The following BCL9L variants were observed in gnomAD, a reference collection of about 807,000 sequenced individuals.
The protein encoded by BCL9L is B-cell CLL/lymphoma 9-like protein.
In BCL9L, 19 loss-of-function variants were observed where a neutral mutation model predicts 99.4. That is an observed-to-expected ratio of 0.19 (90% CI 0.13 to 0.28). The LOEUF (loss-of-function observed/expected upper bound fraction) is 0.28. BCL9L is among the 10% of genes least tolerant of loss of function. The pLI, the probability that BCL9L is intolerant of heterozygous loss-of-function variation, is 1.00. For synonymous variants in BCL9L, 900 were observed against 854.8 expected (o/e 1.05, Z -0.92); for missense variants, 2,023 against 2,101.6 (o/e 0.96, Z 0.73).
Position 118,899,147 on chromosome 11 carries a change from C to T in BCL9L, c.3768G>A (p.Pro1256=), listed in dbSNP as rs778916171. The T allele has an allele frequency of 5.0e-5, 76 of 1,509,580 alleles. No homozygotes were observed. Among genetic ancestry groups the T allele is most frequent in the African/African-American group, 3.9e-4 (28 of 72,716 alleles). 93.5% of individuals were successfully genotyped at this position (1,509,580 alleles called of 1,614,324 possible). Residue 1256 remains proline, a synonymous_variant, in exon 10 of 10, where the codon CCG becomes CCA. Transcript: ENST00000683865. ...GGGPGLQQHY[P]SGMALPPEDL... is the part of the protein sequence containing the mutation. ...CCTCGGGAGGCAGGGCCATGCCTGA[C>T]GGGTAGTGCTGCTGCAGGCCAGGCC... is the stretch of plus-strand genomic sequence containing the variant.
At position 118,900,471 on chromosome 11, in the gene BCL9L, A is replaced by G. The variant is rs368743393; in HGVS notation, c.3124+148T>C. 1.4e-6 allele frequency: 2 copies of G among 1,395,614 alleles called. No homozygotes were observed. Among genetic ancestry groups the G allele is most frequent in the Admixed American group, 2.8e-5 (1 of 35,116 alleles). 86.5% of individuals were successfully genotyped at this position (1,395,614 alleles called of 1,614,324 possible). A position where few individuals can be genotyped will look rare whatever the true frequency, so the allele number is the denominator to read the frequency against. On this transcript the variant is annotated intron_variant, in intron 8 of 9. Transcript: ENST00000683865. This position sits in a 1 kb window ranked among gnomAD's most constrained non-coding sequence, Gnocchi z 5.3. ...GTGGTACCCCCTGAGAAAGCCCACA[A>G]ATGTCATCATCTGCCCCATAAGCAG...
chr11:118,908,780 A>C, intron 3 of BCL9L, 125 bp from the exon 4 acceptor site: 8 of 715,392 alleles, frequency 1.1e-5, no homozygotes, highest in Non-Finnish European at 1.8e-5. Context: ...GTGGTATCTC[A>C]AGACCACCAC....
Position 118,900,998 on chromosome 11 carries a change from C to T in BCL9L, c.2745G>A (p.Ser915=), listed in dbSNP as rs1021480988. 52 of 1,553,978 alleles carry T rather than the reference C, an allele frequency of 3.3e-5. No individual in the cohort carries two copies. Among genetic ancestry groups the T allele is most frequent in the Non-Finnish European group, 3.9e-5 (45 of 1,149,180 alleles). The part of the protein sequence containing the change: ...APNRGLGRRP[S]DLTISINQMG... ...TCTGATTAATACTGATGGTGAGGTC[C>T]GAAGGCCGCCTGCCTAGCCCCCGGT... The change falls in exon 8 of 10, where the codon TCG becomes TCA. Residue 915 remains serine, a synonymous_variant. Coordinates refer to ENST00000683865, the MANE Select transcript of BCL9L (RefSeq NM_001378213.1). This position sits in a 1 kb window ranked among gnomAD's most constrained non-coding sequence, Gnocchi z 5.3.
chr11:118,899,111 G>A lies in BCL9L; in HGVS notation c.3804C>T (p.Asn1268=), dbSNP rs542302053. 49 of 1,575,258 alleles carry A rather than the reference G, an allele frequency of 3.1e-5. No individual in the cohort carries two copies. The highest frequency in any genetic ancestry group is 9.4e-5 in the African/African-American group (7 of 74,248). ...GMALPPEDLP[N]QPPGPMPPQQ... ...GGGGAGGCATGGGGCCTGGCGGCTG[G>A]TTGGGCAGGTCCTCGGGAGGCAGGG... Residue 1268 remains asparagine, a synonymous_variant, in exon 10 of 10, where the codon AAC becomes AAT. Coordinates refer to ENST00000683865, the MANE Select transcript of BCL9L (RefSeq NM_001378213.1).
rs147303382 is a variant in BCL9L, at chr11:118,901,648, C to T, written c.2095G>A (p.Gly699Ser). 2.6e-4 allele frequency: 413 copies of T among 1,613,852 alleles called. 1 individual carries two copies. In the African/African-American group the frequency reaches 3.8e-3, roughly 15 times the overall value. Residue 699 changes from glycine to serine, a missense_variant, in exon 8 of 10, where the codon GGC (glycine) becomes AGC (serine). By Grantham distance (56) the Gly-to-Ser change is moderately conservative. Around this residue, in one of 3 missense-constraint regions of BCL9L, gnomAD observed 1,116 missense variants for 1,194.6 expected, o/e 0.93. Transcript: ENST00000683865. This position sits in a 1 kb window ranked among gnomAD's most constrained non-coding sequence, Gnocchi z 6.6. ...TCCATGCTCTGTCCCATGCCACTGC[C>T]TGCCATGCCCAGGGGGCGCTGCATG... is the stretch of plus-strand genomic sequence containing the variant. Reference protein sequence around the residue: ...MGMQRPLGMAGSGMGQSMEME... With the variant: ...MGMQRPLGMASSGMGQSMEME...
At position 118,898,485 on chromosome 11, in the gene BCL9L, C is replaced by T. The variant is rs1172325855; in HGVS notation, c.4430G>A (p.Arg1477His). ...CATCTGGCTGTCCAGGGACACACTG[C>T]GCTGCCGAAGGGGGTGGGACACCAT... ...NLMVSHPLRQRSVSLDSQMGY... is the reference protein window; with the variant it reads ...NLMVSHPLRQHSVSLDSQMGY... Residue 1477 changes from arginine (R) to histidine (H), a missense_variant, in exon 10 of 10, where the codon CGC (arginine) becomes CAC (histidine). Arg to His is a conservative substitution (Grantham distance 29). Around this residue, in one of 3 missense-constraint regions of BCL9L, gnomAD observed 902 missense variants for 888.2 expected, o/e 1.02. Coordinates refer to ENST00000683865, the MANE Select transcript of BCL9L (RefSeq NM_001378213.1). The T allele has an allele frequency of 6.2e-6, 10 of 1,603,712 alleles. No homozygotes were observed. The highest frequency in any genetic ancestry group is 2.2e-5 in the East Asian group (1 of 44,564).
Position 118,902,719 on chromosome 11 carries a change from C to G in BCL9L, c.1024G>C (p.Ala342Pro). 1 of 1,598,104 alleles carries G rather than the reference C, an allele frequency of 6.3e-7. No homozygotes were observed. The highest frequency in any genetic ancestry group is 8.5e-7 in the Non-Finnish European group (1 of 1,179,248). The stretch of plus-strand genomic sequence containing the variant: ...CCCCCAGTCCCACCACCTGTGCTGG[C>G]AGCTCCCACCGAGTTGGGGGCCAGG... ...QDLAPNSVGA[A>P]STGGGTGGTH... Residue 342 changes from alanine to proline, a missense_variant, in exon 8 of 10, where the codon GCC (alanine) becomes CCC (proline). Coordinates refer to ENST00000683865, the MANE Select transcript of BCL9L (RefSeq NM_001378213.1). The surrounding 1 kb of genome is among the most constrained non-coding windows in gnomAD (Gnocchi z 7.8).
Position 118,906,316 on chromosome 11 carries a change from A to G in BCL9L, c.532+1167T>C, listed in dbSNP as rs76216191. 6.8e-3 allele frequency among the ~76,000 whole-genome samples: 1,043 copies of G among 152,292 alleles called. 10 individuals carry two copies. Among genetic ancestry groups the G allele is most frequent in the African/African-American group, 0.023 (969 of 41,536 alleles). On this transcript the variant is annotated intron_variant, in intron 5 of 9. Coordinates refer to ENST00000683865, the MANE Select transcript of BCL9L (RefSeq NM_001378213.1). ...GGTCTGGGAAGCAGTAAAGGCTTCT[A>G]TCATCAAAGGGTTCAGCCAGAGGCT...
chr11:118,924,986 G>A (rs1460393994), intron 1 of BCL9L, among the ~76,000 whole-genome samples: 4 of 152,202 alleles, frequency 2.6e-5, no homozygotes, highest in Non-Finnish European at 4.4e-5. Context: ...TCTGCGCTAG[G>A]GTGGCAGGGT....
chr11:118,922,021 G>A lies in BCL9L; in HGVS notation c.-130-3142C>T, dbSNP rs958363930. On this transcript the variant is annotated intron_variant, in intron 1 of 9. Coordinates refer to ENST00000683865, the MANE Select transcript of BCL9L (RefSeq NM_001378213.1). This position sits in a 1 kb window ranked among gnomAD's most constrained non-coding sequence, Gnocchi z 6.2. ...GCTTTCTTCCTCTCCACAAGGATGC[G>A]GGACCCTCGGGGAGACTGAGGCAGT... is the stretch of plus-strand genomic sequence containing the variant. 2.6e-5 allele frequency among the ~76,000 whole-genome samples: 4 copies of A among 152,124 alleles called. No individual in the cohort carries two copies. The highest frequency in any genetic ancestry group is 9.7e-5 in the African/African-American group (4 of 41,414).
chr11:118,918,179 C>A (rs1214449549), intron 2 of BCL9L, among the ~76,000 whole-genome samples: 1 of 152,158 alleles, frequency 6.6e-6, no homozygotes, highest in Admixed American at 6.5e-5. Context: ...TTTCCCTAGT[C>A]GAACCGGGAG....
chr11:118,897,797 A>C lies in BCL9L; in HGVS notation c.*618T>G, dbSNP rs2137670561. On this transcript the variant is annotated 3_prime_UTR_variant, in exon 10 of 10. Coordinates refer to ENST00000683865, the MANE Select transcript of BCL9L (RefSeq NM_001378213.1). Reference sequence around the variant, plus strand: ...GACTTCTATCAAAACACAGAAATACAGCACACGCACAAACCAGCACAAAAG... The same window carrying C: ...GACTTCTATCAAAACACAGAAATACCGCACACGCACAAACCAGCACAAAAG... 4.4e-6 allele frequency: 2 copies of C among 456,234 alleles called. No homozygotes were observed. Among genetic ancestry groups the C allele is most frequent in the South Asian group, 3.1e-5 (2 of 64,520 alleles). 28.3% of individuals were successfully genotyped at this position (456,234 alleles called of 1,614,324 possible).
chr11:118,898,209 C>T lies in BCL9L; in HGVS notation c.*206G>A. 1.4e-6 allele frequency: 1 copy of T among 709,106 alleles called. No homozygotes were observed. Among genetic ancestry groups the T allele is most frequent in the Non-Finnish European group, 2.3e-6 (1 of 439,592 alleles). 43.9% of individuals were successfully genotyped at this position (709,106 alleles called of 1,614,324 possible). A position where few individuals can be genotyped will look rare whatever the true frequency, so the allele number is the denominator to read the frequency against. On this transcript the variant is annotated 3_prime_UTR_variant, in exon 10 of 10. Coordinates refer to ENST00000683865, the MANE Select transcript of BCL9L (RefSeq NM_001378213.1). ...CTGGTGGCCGAAATGGAACCAACCCCAATGCAAAATCCCCCACCCCACACT... is the reference window on the plus strand; with the variant it reads ...CTGGTGGCCGAAATGGAACCAACCCTAATGCAAAATCCCCCACCCCACACT...
intron 2 of BCL9L, 91 bp from the exon 3 acceptor site, chr11:118,910,106 A>G: frequency 1.1e-6 from 1 of 876,796 alleles, no homozygotes; most frequent in Non-Finnish European, 1.8e-6. Flanking sequence ...CAGCCCTGGG[A>G]CTAGGGAGCT....
intron 1 of BCL9L, among the ~76,000 whole-genome samples, chr11:118,920,797 A>T (rs1941115844): frequency 6.6e-6 from 1 of 151,630 alleles, no homozygotes; most frequent in Non-Finnish European, 1.5e-5. Context: ...CCACTGCACC[A>T]CTCTCTCTCC....
rs1412185635 is a variant in BCL9L at position 118,902,174 on chromosome 11, C to T, written c.1569G>A (p.Leu523=). ...LTPEQVAWRK[L]QEEYYEEKRR... The stretch of plus-strand genomic sequence containing the variant: ...GTTTCTCTTCGTAGTACTCCTCCTG[C>T]AGCTTGCGCCAGGCCACCTGCTCAG... The change falls in exon 8 of 10, where the codon CTG becomes CTA. Residue 523 remains leucine (L), a synonymous_variant. Coordinates refer to ENST00000683865, the MANE Select transcript of BCL9L (RefSeq NM_001378213.1). This position sits in a 1 kb window ranked among gnomAD's most constrained non-coding sequence, Gnocchi z 7.8. 1 of 1,614,152 alleles carries T rather than the reference C, an allele frequency of 6.2e-7. No individual in the cohort carries two copies. The highest frequency in any genetic ancestry group is 1.7e-5 in the Admixed American group (1 of 60,026).
Position 118,898,775 on chromosome 11 carries a change from C to A in BCL9L, c.4140G>T (p.Gln1380His), listed in dbSNP as rs1376639490. 1 of 1,613,894 alleles carries A rather than the reference C, an allele frequency of 6.2e-7. No individual in the cohort carries two copies. The highest frequency in any genetic ancestry group is 1.7e-5 in the Admixed American group (1 of 60,000). ...TPSRPPNLPG[Q>H]QGVQRGLNMS... is the part of the protein sequence containing the mutation. ...TGTTGAGCCCCCGCTGGACGCCCTG[C>A]TGGCCTGGGAGGTTGGGAGGCCGAG... The change falls in exon 10 of 10, where the codon CAG (glutamine) becomes CAT (histidine). Residue 1380 changes from glutamine to histidine, a missense_variant. Coordinates refer to ENST00000683865, the MANE Select transcript of BCL9L (RefSeq NM_001378213.1).
Position 118,908,301 on chromosome 11 carries a change from A to T in BCL9L, c.381T>A (p.Ala127=). The T allele has an allele frequency of 6.4e-7, 1 of 1,572,270 alleles. No homozygotes were observed. The highest frequency in any genetic ancestry group is 8.6e-7 in the Non-Finnish European group (1 of 1,156,804). Residue 127 remains alanine, a synonymous_variant, in exon 4 of 10, where the codon GCT becomes GCA. Transcript: ENST00000683865. ...VSVDSGEQRE[A]GTPSLDSEAK... The stretch of plus-strand genomic sequence containing the variant: ...CCTCTGAATCCAGGGATGGGGTCCC[A>T]GCCTCTCGCTGCTCTCCAGAGTCCA...
chr11:118,913,945 G>A (rs1940886962), intron 2 of BCL9L, among the ~76,000 whole-genome samples: 1 of 152,148 alleles, frequency 6.6e-6, no homozygotes, highest in Non-Finnish European at 1.5e-5. Context: ...GGAGCCAGTA[G>A]GGCAGGCAGT....
Sources: gnomAD v4.1 joint callset for allele counts (sites outside exome capture counted in the v4.1 genomes callset) on GRCh38, gnomAD v4.1.1 for gene constraint, gnomAD v4.1.1 regional missense constraint, Gnocchi (gnomAD v3.1) non-coding constraint, MANE v1.5 for transcripts, NCBI Gene and HGNC (gene_info 2026-07-23, HGNC 2026-07-21) for gene names.